TMEFF2: variants seen among roughly 807,000 people sequenced by gnomAD.
TMEFF2 encodes the protein transmembrane protein with EGF like and two follistatin like domains 2, also known as tomoregulin-2.
Under a neutral mutation model 53.8 loss-of-function variants are expected in TMEFF2, and 28 were observed. That is an observed-to-expected ratio of 0.52 (90% CI 0.39 to 0.71). The LOEUF (loss-of-function observed/expected upper bound fraction) is 0.71. Among genes scored for constraint, TMEFF2 ranks in the 30% least tolerant of loss-of-function variants. TMEFF2 has a pLI of 0.00. For synonymous variants in TMEFF2, 162 were observed against 166.3 expected (o/e 0.97, Z 0.20); for missense variants, 353 against 455.2 (o/e 0.78, Z 2.04).
Position 191,949,505 on chromosome 2 carries a change from T to A in TMEFF2, c.*806A>T. On this transcript the variant is annotated 3_prime_UTR_variant, in exon 10 of 10. Coordinates refer to ENST00000272771, the MANE Select transcript of TMEFF2 (RefSeq NM_016192.4). Reference sequence around the variant, plus strand: ...CACATCTAGTGGTGTTATTACATTTTTCCCCTGGTAATTCCACCCACCTAA... The same window carrying A: ...CACATCTAGTGGTGTTATTACATTTATCCCCTGGTAATTCCACCCACCTAA... 1.0e-6 allele frequency: 1 copy of A among 985,418 alleles called. No individual in the cohort carries two copies. Among genetic ancestry groups the A allele is most frequent in the Non-Finnish European group, 1.2e-6 (1 of 829,912 alleles). 61.0% of individuals were successfully genotyped at this position (985,418 alleles called of 1,614,324 possible). A position where few individuals can be genotyped will look rare whatever the true frequency, so the allele number is the denominator to read the frequency against.
chr2:192,019,070 A>C (rs963158266), intron 5 of TMEFF2, among the ~76,000 whole-genome samples: 2 of 152,090 alleles, frequency 1.3e-5, no homozygotes, highest in Non-Finnish European at 2.9e-5. Flanking sequence ...TATCTATTAT[A>C]AATAAAACGA....
intron 4 of TMEFF2, among the ~76,000 whole-genome samples, chr2:192,165,995 C>T (rs1690755941): frequency 1.3e-5 from 2 of 152,058 alleles, no homozygotes; most frequent in South Asian, 4.1e-4. Context: ...TTGCCCAGTC[C>T]TCGGGTGTTC....
intron 7 of TMEFF2, among the ~76,000 whole-genome samples, chr2:191,967,036 GA>G (rs57878864): frequency 0.016 from 2,274 of 141,234 alleles, 55 homozygotes; most frequent in African/African-American, 0.053. Context: ...GAACTTCTGA[GA>G]AAAAAAAAAA....
intron 4 of TMEFF2, among the ~76,000 whole-genome samples, chr2:192,171,788 C>T (rs1690920508): frequency 6.6e-6 from 1 of 152,032 alleles, no homozygotes; most frequent in Non-Finnish European, 1.5e-5. Context: ...CGTTTCCCTT[C>T]TATCACTTTC....
At chr2:192,176,183 T>C (rs1294725861) in intron 4 of TMEFF2, among the ~76,000 whole-genome samples, 1 of 151,568 alleles carries the variant, frequency 6.6e-6, no homozygotes, top group Non-Finnish European at 1.5e-5. Flanking sequence ...TTTCTATCAC[T>C]TTCTCAAATT....
chr2:192,085,400 T>G (rs769740870), intron 4 of TMEFF2, among the ~76,000 whole-genome samples: 6 of 152,138 alleles, frequency 3.9e-5, no homozygotes, highest in African/African-American at 1.4e-4. Context: ...ACTCTCCATA[T>G]GCACCCTGGC....
intron 9 of TMEFF2, among the ~76,000 whole-genome samples, chr2:191,953,180 G>C (rs1267604551): frequency 3.3e-5 from 5 of 152,146 alleles, no homozygotes; most frequent in Non-Finnish European, 7.4e-5. Context: ...CTTTTAACCT[G>C]ATTCTCCAGG....
rs543311429 is a variant in TMEFF2, at chr2:192,037,713, T to C, written c.536+19966A>G. Reference sequence around the variant, plus strand: ...CACTTATCTGTTATAGCATTTGATATTGCTTACCCTATCATACATGGCAAC... The same window carrying C: ...CACTTATCTGTTATAGCATTTGATACTGCTTACCCTATCATACATGGCAAC... On this transcript the variant is annotated intron_variant, in intron 5 of 9. Coordinates refer to ENST00000272771, the MANE Select transcript of TMEFF2 (RefSeq NM_016192.4). Among the ~76,000 whole-genome samples the C allele has an allele frequency of 2.6e-5, 4 of 152,164 alleles. No homozygotes were observed. In the South Asian group the frequency reaches 8.3e-4, roughly 32 times the overall value.
intron 4 of TMEFF2, among the ~76,000 whole-genome samples, chr2:192,126,066 T>C (rs1312948387): frequency 6.6e-6 from 1 of 152,192 alleles, no homozygotes; most frequent in African/African-American, 2.4e-5. Context: ...TTTGAAAATA[T>C]ACCAATAAGT....
chr2:192,096,131 G>A (rs13432319), intron 4 of TMEFF2, among the ~76,000 whole-genome samples: 23,010 of 151,964 alleles, frequency 0.15, 1,901 homozygotes, highest in African/African-American at 0.22. Flanking sequence ...AAAACAAAGC[G>A]GTTGATATTA....
chr2:192,104,664 A>G (rs990127750), intron 4 of TMEFF2, among the ~76,000 whole-genome samples: 1 of 152,046 alleles, frequency 6.6e-6, no homozygotes, highest in Non-Finnish European at 1.5e-5. Context: ...TCAACTGTAA[A>G]TGATTTGAAA....
chr2:192,087,939 G>A (rs77706292), intron 4 of TMEFF2, among the ~76,000 whole-genome samples: 5,113 of 152,204 alleles, frequency 0.034, 281 homozygotes, highest in African/African-American at 0.12. Flanking sequence ...TAAATGCTGG[G>A]AGGCAATATT....
chr2:192,075,285 T>TTATATATATATATATAAATATA (rs1688382875), intron 4 of TMEFF2, among the ~76,000 whole-genome samples: 1 of 65,776 alleles, frequency 1.5e-5, no homozygotes, highest in Non-Finnish European at 2.7e-5. Flanking sequence ...TACAGTACTA[T>TTATATATATATATATAAATATA]TATATATATA....
At chr2:192,082,826 T>C (rs1688583522) in intron 4 of TMEFF2, among the ~76,000 whole-genome samples, 1 of 152,066 alleles carries the variant, frequency 6.6e-6, no homozygotes, top group Non-Finnish European at 1.5e-5. Context: ...TTTTCAACCA[T>C]AAAATATGTT....
intron 4 of TMEFF2, among the ~76,000 whole-genome samples, chr2:192,162,958 T>C (rs956982329): frequency 2.0e-5 from 3 of 152,206 alleles, no homozygotes; most frequent in Non-Finnish European, 4.4e-5. Context: ...CAGAGCTTAA[T>C]TGTAGTGATG....
intron 7 of TMEFF2, among the ~76,000 whole-genome samples, chr2:191,972,810 A>G (rs147031873): frequency 3.9e-5 from 6 of 152,272 alleles, no homozygotes; most frequent in Admixed American, 6.5e-5. Context: ...TTAAGCTCCA[A>G]TGTATAAACA....
chr2:192,176,163 A>G (rs1300176629), intron 4 of TMEFF2, among the ~76,000 whole-genome samples: 1 of 151,362 alleles, frequency 6.6e-6, no homozygotes, highest in African/African-American at 2.4e-5. Flanking sequence ...CTGAAACACC[A>G]ATCGTTTTCT....
At position 191,949,158 on chromosome 2, in the gene TMEFF2, C is replaced by T. The variant is rs962101376; in HGVS notation, c.*1153G>A. ...TTTCATCTTATTCCTTGAGAATTTT[C>T]ACAGCTTATTTTTTCCAGATCAAGT... On this transcript the variant is annotated 3_prime_UTR_variant, in exon 10 of 10. Coordinates refer to ENST00000272771, the MANE Select transcript of TMEFF2 (RefSeq NM_016192.4). 2.0e-6 allele frequency: 2 copies of T among 985,100 alleles called. No individual in the cohort carries two copies. The highest frequency in any genetic ancestry group is 3.5e-5 in the African/African-American group (2 of 57,172). 61.0% of individuals were successfully genotyped at this position (985,100 alleles called of 1,614,324 possible).
intron 7 of TMEFF2, among the ~76,000 whole-genome samples, chr2:191,990,763 G>GGTGT (rs34545329): frequency 0.021 from 2,761 of 134,670 alleles, 48 homozygotes; most frequent in African/African-American, 0.054. Flanking sequence ...CTCTTTGCGG[G>GGTGT]GTGTGTGTGT....
Sources: gnomAD v4.1 joint callset for allele counts (sites outside exome capture counted in the v4.1 genomes callset) on GRCh38, gnomAD v4.1.1 for gene constraint, MANE v1.5 for transcripts, NCBI Gene and HGNC (gene_info 2026-07-23, HGNC 2026-07-21) for gene names.